ITSN2: variants seen among roughly 807,000 people sequenced by gnomAD.
The protein encoded by ITSN2 is intersectin 2, also known as intersectin-2.
In ITSN2, 156 loss-of-function variants were observed where a neutral mutation model predicts 243.7. The ratio of observed to expected loss-of-function variants is 0.64; its 90% CI spans 0.56 to 0.73. The LOEUF is 0.73. Ranked by LOEUF, ITSN2 falls within the 30% of genes least tolerant of loss-of-function variation. The pLI is 0.00. For synonymous variants in ITSN2, 703 were observed against 699.9 expected (o/e 1.00, Z -0.07); for missense variants, 1,801 against 1,996.1 (o/e 0.90, Z 1.86).
intron 14 of ITSN2, among the ~76,000 whole-genome samples, chr2:24,294,426 A>G (rs151247137): frequency 4.6e-5 from 7 of 152,334 alleles, no homozygotes; most frequent in African/African-American, 1.4e-4. Flanking sequence ...GAAAAAATAA[A>G]AAGGACTAAA....
Position 24,354,095 on chromosome 2 carries a change from T to G in ITSN2, c.-34+6209A>C, listed in dbSNP as rs1688246352. Among the ~76,000 whole-genome samples, 5 of 152,230 alleles carry G rather than the reference T, an allele frequency of 3.3e-5. No individual in the cohort carries two copies. In the South Asian group the frequency reaches 1.0e-3, roughly 32 times the overall value. On this transcript the variant is annotated intron_variant, in intron 1 of 39. Transcript: ENST00000355123. ...AACAGCAGCCATCAATCATCAATAT[T>G]TACTAAGTGCCAAGCCCTACACTAC...
intron 29 of ITSN2, among the ~76,000 whole-genome samples, chr2:24,237,607 A>G (rs1000211302): frequency 3.3e-5 from 5 of 152,046 alleles, no homozygotes; most frequent in Admixed American, 3.3e-4. Flanking sequence ...CCCCAACTCT[A>G]ATTCTTCACT....
intron 37 of ITSN2, 81 bp downstream of exon 37, chr2:24,208,153 TATC>T: frequency 8.5e-7 from 1 of 1,170,100 alleles, no homozygotes; most frequent in Admixed American, 1.8e-5. Flanking sequence ...CCCGTCCCTA[TATC>T]ATCAGCCTGA....
At chr2:24,215,685 A>T (rs1339092650) in intron 32 of ITSN2, among the ~76,000 whole-genome samples, 2 of 146,176 alleles carry the variant, frequency 1.4e-5, no homozygotes, top group African/African-American at 5.1e-5. Context: ...AAAAAAAAAA[A>T]GAGTAAGCTA....
At chr2:24,230,152 C>G (rs1044185187) in intron 29 of ITSN2, among the ~76,000 whole-genome samples, 12 of 152,338 alleles carry the variant, frequency 7.9e-5, no homozygotes, top group African/African-American at 2.6e-4. Context: ...ACATCAAAAG[C>G]CAAACCCCTA....
intron 7 of ITSN2, among the ~76,000 whole-genome samples, chr2:24,309,701 C>A (rs1203906833): frequency 6.6e-6 from 1 of 152,120 alleles, no homozygotes; most frequent in Non-Finnish European, 1.5e-5. Context: ...ATACTACAGT[C>A]CCCATCTTTT....
rs1670904460 is a variant in ITSN2, at chr2:24,225,187, G to A, written c.3578-4121C>T. Among the ~76,000 whole-genome samples the A allele has an allele frequency of 6.6e-6, 1 of 151,814 alleles. No homozygotes were observed. The highest frequency in any genetic ancestry group is 6.6e-5 in the Admixed American group (1 of 15,256). On this transcript the variant is annotated intron_variant, in intron 29 of 39. Coordinates refer to ENST00000355123, the MANE Select transcript of ITSN2 (RefSeq NM_006277.3). This position sits in a 1 kb window ranked among gnomAD's most constrained non-coding sequence, Gnocchi z 4.2. ...CTTCACGCTTCTATGTTCACTCTTC[G>A]CCATTTCCTTCTTAGCCCATAAACA...
At chr2:24,209,725 G>GT (rs1346073567) in intron 35 of ITSN2, 93 bp downstream of exon 35, 2 of 1,003,130 alleles carry the variant, frequency 2.0e-6, no homozygotes, top group Non-Finnish European at 3.1e-6. Flanking sequence ...GGAGGGTCCC[G>GT]TAAGGCCAGC....
At chr2:24,270,063 G>A (rs960052073) in intron 20 of ITSN2, among the ~76,000 whole-genome samples, 13 of 152,186 alleles carry the variant, frequency 8.5e-5, no homozygotes, top group Admixed American at 8.5e-4. Flanking sequence ...TGGTGACAGT[G>A]CAGGGGGAGC....
At position 24,209,142 on chromosome 2, in the gene ITSN2, A is replaced by C. The variant is rs767614492; in HGVS notation, c.4553T>G (p.Ile1518Ser). ...TGTTCGGAGGGTGTAGACCCGATCA[A>C]TGTGGGAAATGTGGAAGACAGGCTC... ...SDEPVFHISH[I>S]DRVYTLRTDN... The change falls in exon 36 of 40, where the codon ATT becomes AGT. Residue 1518 changes from isoleucine (I) to serine (S), a missense_variant. This residue lies in a region of ITSN2 where 928 missense variants were observed against 1,065.4 expected (regional missense o/e 0.87). Coordinates refer to ENST00000355123, the MANE Select transcript of ITSN2 (RefSeq NM_006277.3). 6.2e-7 allele frequency: 1 copy of C among 1,614,054 alleles called. No homozygotes were observed. Among genetic ancestry groups the C allele is most frequent in the South Asian group, 1.1e-5 (1 of 91,074 alleles).
At position 24,221,922 on chromosome 2, in the gene ITSN2, C is replaced by T. The variant is rs535612135; in HGVS notation, c.3578-856G>A. Among the ~76,000 whole-genome samples, 74 of 152,096 alleles carry T rather than the reference C, an allele frequency of 4.9e-4. 1 individual carries two copies. Among genetic ancestry groups the T allele is most frequent in the Admixed American group, 1.5e-3 (23 of 15,278 alleles). On this transcript the variant is annotated intron_variant, in intron 29 of 39. Coordinates refer to ENST00000355123, the MANE Select transcript of ITSN2 (RefSeq NM_006277.3). ...GGCTTGCCTATACACAGTGATGTGG[C>T]GAAATACCTCAGGAAACCCTTCTTA...
Position 24,298,691 on chromosome 2 carries a change from T to G in ITSN2, c.1468A>C (p.Asn490His), listed in dbSNP as rs370935977. 1.9e-6 allele frequency: 3 copies of G among 1,603,442 alleles called. No individual in the cohort carries two copies. In the Admixed American group the frequency reaches 5.3e-5, roughly 28 times the overall value. ...AGTGCTTCCAACTCAAGATGAAGAT[T>G]CTTCTTTTTAGAGTTTAACCTGACA... ...EIVRLNSKKK[N>H]LHLELEALNG... The change falls in exon 13 of 40, where the codon AAT becomes CAT. Residue 490 changes from asparagine to histidine, a missense_variant. This residue lies in a region of ITSN2 where 787 missense variants were observed against 803.9 expected (regional missense o/e 0.98). Coordinates refer to ENST00000355123, the MANE Select transcript of ITSN2 (RefSeq NM_006277.3).
chr2:24,247,555 T>C (rs1427832973), intron 27 of ITSN2, among the ~76,000 whole-genome samples: 1 of 152,160 alleles, frequency 6.6e-6, no homozygotes, highest in Non-Finnish European at 1.5e-5. Flanking sequence ...GAGCATGATC[T>C]TGGGGGCCTC....
chr2:24,310,384 A>G lies in ITSN2; in HGVS notation c.557-4T>C. ...TAAGATGACCCATGAGGCAATGCTA[A>G]AAAAGAAAAAGAAGGAAAAGTATGA... On this transcript the variant is annotated splice_region_variant and splice_polypyrimidine_tract_variant and intron_variant, in intron 6 of 39. Transcript: ENST00000355123. 6.2e-7 allele frequency: 1 copy of G among 1,612,240 alleles called. No individual in the cohort carries two copies. The highest frequency in any genetic ancestry group is 1.1e-5 in the South Asian group (1 of 90,794).
At chr2:24,344,390 T>C (rs2151916305) in intron 1 of ITSN2, among the ~76,000 whole-genome samples, 1 of 152,340 alleles carries the variant, frequency 6.6e-6, no homozygotes, top group South Asian at 2.1e-4. Context: ...CCCATTGGTG[T>C]GTAAACATAC....
chr2:24,262,126 A>AT (rs1675980041), intron 20 of ITSN2, among the ~76,000 whole-genome samples: 2 of 151,958 alleles, frequency 1.3e-5, no homozygotes, highest in South Asian at 2.1e-4. Context: ...TTTTTCTTGA[A>AT]TTTTTTCAAT....
intron 17 of ITSN2, among the ~76,000 whole-genome samples, chr2:24,279,721 A>ATTT (rs1574125875): frequency 8.4e-6 from 1 of 118,484 alleles, no homozygotes. Context: ...AGATGTGTGA[A>ATTT]TTTTCTTTTT....
At chr2:24,295,903 T>C (rs989862537) in intron 13 of ITSN2, 99 bp from the exon 14 acceptor site, 14 of 894,422 alleles carry the variant, frequency 1.6e-5, no homozygotes, top group Non-Finnish European at 2.2e-5. Flanking sequence ...AAAATCTCAG[T>C]TATCATTCAT....
intron 29 of ITSN2, among the ~76,000 whole-genome samples, chr2:24,245,434 A>G (rs149130266): frequency 3.9e-5 from 6 of 152,318 alleles, no homozygotes; most frequent in African/African-American, 1.4e-4. Flanking sequence ...TCTGTACACT[A>G]AAAGAGTAAT....
Sources: allele counts gnomAD v4.1 joint callset (sites outside exome capture counted in the v4.1 genomes callset), GRCh38; gene constraint gnomAD v4.1.1; regional missense constraint gnomAD v4.1.1; non-coding constraint Gnocchi (gnomAD v3.1); transcripts MANE v1.5; gene names NCBI Gene and HGNC (gene_info 2026-07-23, HGNC 2026-07-21).